LTN1: variants seen among roughly 807,000 people sequenced by gnomAD.
LTN1 encodes E3 ubiquitin-protein ligase listerin.
Under a neutral mutation model 201.2 loss-of-function variants are expected in LTN1, and 88 were observed. The observed-to-expected ratio is 0.44, with a 90% confidence interval of 0.37 to 0.52. The LOEUF (loss-of-function observed/expected upper bound fraction) is 0.52. LTN1 is among the 20% of genes least tolerant of loss of function. The pLI is 0.00. For missense variants in LTN1, 1,752 were observed against 2,038.7 expected (o/e 0.86, Z 2.71); for synonymous variants, 645 against 713.5 (o/e 0.90, Z 1.53).
chr21:28,951,077 C>G (rs2146277892), intron 18 of LTN1, among the ~76,000 whole-genome samples: 1 of 151,366 alleles, frequency 6.6e-6, no homozygotes, highest in South Asian at 2.1e-4. Flanking sequence ...AGTCAACTGA[C>G]TGTATCAATG....
At chr21:28,961,611 T>C (rs1022734727) in intron 11 of LTN1, 1 of 154,448 alleles carries the variant, frequency 6.5e-6, no homozygotes, top group Non-Finnish European at 1.5e-5. Flanking sequence ...AAATTGTAGG[T>C]AACCAGAGCT....
chr21:28,931,462 T>G, intron 28 of LTN1, 140 bp from the exon 29 acceptor site: 1 of 562,458 alleles, frequency 1.8e-6, no homozygotes, highest in Non-Finnish European at 3.1e-6. Flanking sequence ...TCCCAACTTA[T>G]GAATGTTGGT....
At chr21:28,989,999 T>C (rs2084732757) in intron 1 of LTN1, among the ~76,000 whole-genome samples, 1 of 152,016 alleles carries the variant, frequency 6.6e-6, no homozygotes, top group African/African-American at 2.4e-5. Context: ...AAAAGTTATC[T>C]ATGTGATGGC....
Position 28,975,339 on chromosome 21 carries a change from C to A in LTN1, c.811-3895G>T, listed in dbSNP as rs925554702. Reference sequence around the variant, plus strand: ...ATAAAAAATAAGCAAAAGATTACAACAGACACCTCCAAAAAGAAGATATAC... The same window carrying A: ...ATAAAAAATAAGCAAAAGATTACAAAAGACACCTCCAAAAAGAAGATATAC... On this transcript the variant is annotated intron_variant, in intron 6 of 29. Coordinates refer to ENST00000361371, the MANE Select transcript of LTN1 (RefSeq NM_015565.3). 2.0e-5 allele frequency among the ~76,000 whole-genome samples: 3 copies of A among 152,188 alleles called. No individual in the cohort carries two copies. In the East Asian group the frequency reaches 5.8e-4, roughly 29 times the overall value.
chr21:28,933,677 C>CTCTCT (rs1309871371), intron 27 of LTN1, among the ~76,000 whole-genome samples: 1 of 135,722 alleles, frequency 7.4e-6, no homozygotes, highest in African/African-American at 2.7e-5. Flanking sequence ...CTCTCTCTCT[C>CTCTCT]TTTTTTTTTT....
At chr21:28,963,009 G>A (rs955697404) in intron 11 of LTN1, among the ~76,000 whole-genome samples, 1 of 152,216 alleles carries the variant, frequency 6.6e-6, no homozygotes, top group Non-Finnish European at 1.5e-5. Flanking sequence ...AGGTGAGGAA[G>A]CTGCACAAGA....
chr21:28,970,073 A>C (rs1240164840), intron 8 of LTN1, among the ~76,000 whole-genome samples: 1 of 152,212 alleles, frequency 6.6e-6, no homozygotes, highest in African/African-American at 2.4e-5. Flanking sequence ...AAAAATCTGT[A>C]ATCATTAATA....
At chr21:28,936,478 G>C in intron 26 of LTN1, 48 bp downstream of exon 26, 1 of 1,465,310 alleles carries the variant, frequency 6.8e-7, no homozygotes, top group Non-Finnish European at 9.2e-7. Context: ...ATTCAACCTA[G>C]TCTGAATCTA....
intron 1 of LTN1, among the ~76,000 whole-genome samples, chr21:28,988,825 C>T (rs577439649): frequency 6.6e-6 from 1 of 152,064 alleles, no homozygotes; most frequent in South Asian, 2.1e-4. Flanking sequence ...ATTAGCCAGG[C>T]ATGGTGGCAC....
rs770390882 is a variant in LTN1 at position 28,945,805 on chromosome 21, A to G, written c.3768+2T>C. ...AGGTGATGACATATCGGGTTAATTT[A>G]CCTCCAACCAAGCCAACATGGAGCA... On this transcript the variant is annotated splice_donor_variant, in intron 21 of 29. Transcript: ENST00000361371. LOFTEE classifies it high-confidence loss of function. 2.5e-6 allele frequency: 4 copies of G among 1,612,072 alleles called. No individual in the cohort carries two copies. The highest frequency in any genetic ancestry group is 3.4e-6 in the Non-Finnish European group (4 of 1,178,976).
rs1012170539 is a variant in LTN1 at position 28,986,262 on chromosome 21, T to C, written c.247-25A>G. The C allele has an allele frequency of 7.5e-7, 1 of 1,334,818 alleles. No individual in the cohort carries two copies. The highest frequency in any genetic ancestry group is 1.1e-6 in the Non-Finnish European group (1 of 930,080). 82.7% of individuals were successfully genotyped at this position (1,334,818 alleles called of 1,614,324 possible). On this transcript the variant is annotated intron_variant, in intron 2 of 29. Coordinates refer to ENST00000361371, the MANE Select transcript of LTN1 (RefSeq NM_015565.3). The surrounding 1 kb of genome is among the most constrained non-coding windows in gnomAD (Gnocchi z 4.1). ...CCTAAAAGTAAGTTATTAACATCAT[T>C]AGGATTAACAACCATAATAACTGGC...
rs1426805147 is a variant in LTN1, at chr21:28,986,978, G to T, written c.43-44C>A. On this transcript the variant is annotated intron_variant, in intron 1 of 29. Coordinates refer to ENST00000361371, the MANE Select transcript of LTN1 (RefSeq NM_015565.3). This position sits in a 1 kb window ranked among gnomAD's most constrained non-coding sequence, Gnocchi z 4.1. Reference sequence around the variant, plus strand: ...AGAAAAAAGTCAGAGTCCAGGAAGGGTTCAAAACTTAACTTTATAATTCCT... The same window carrying T: ...AGAAAAAAGTCAGAGTCCAGGAAGGTTTCAAAACTTAACTTTATAATTCCT... 1 of 1,327,146 alleles carries T rather than the reference G, an allele frequency of 7.5e-7. No individual in the cohort carries two copies. The highest frequency in any genetic ancestry group is 1.4e-5 in the African/African-American group (1 of 69,492). The allele number at this position is 1,327,146 out of a possible 1,614,324, so 82.2% of individuals were successfully genotyped here.
intron 1 of LTN1, among the ~76,000 whole-genome samples, chr21:28,992,290 G>A (rs1568862713): frequency 6.6e-6 from 1 of 152,120 alleles, no homozygotes; most frequent in South Asian, 2.1e-4. Context: ...GATGGAAAGG[G>A]GTAACAGGCA....
At chr21:28,957,777 A>AT (rs1764512851) in intron 14 of LTN1, among the ~76,000 whole-genome samples, 1 of 152,186 alleles carries the variant, frequency 6.6e-6, no homozygotes. Flanking sequence ...ATGCAGCACT[A>AT]TTTTACCTAA....
At chr21:28,979,599 C>T (rs185781218) in intron 6 of LTN1, among the ~76,000 whole-genome samples, 2 of 152,252 alleles carry the variant, frequency 1.3e-5, no homozygotes, top group East Asian at 3.9e-4. Flanking sequence ...TTCAAAAATA[C>T]AGTCAATCCT....
intron 18 of LTN1, among the ~76,000 whole-genome samples, chr21:28,948,181 A>G (rs76085787): frequency 1 from 105,216 of 105,220 alleles, 52,606 homozygotes; most frequent in Middle Eastern, 1. Flanking sequence ...GATAAAGCAA[A>G]ACTCTGTTTC....
Position 28,986,019 on chromosome 21 carries a change from C to G in LTN1, c.345+120G>C, listed in dbSNP as rs1359925038. 1.6e-6 allele frequency: 1 copy of G among 637,396 alleles called. No individual in the cohort carries two copies. Among genetic ancestry groups the G allele is most frequent in the East Asian group, 2.8e-5 (1 of 35,818 alleles). 39.5% of individuals were successfully genotyped at this position (637,396 alleles called of 1,614,324 possible). On this transcript the variant is annotated intron_variant, in intron 3 of 29. Coordinates refer to ENST00000361371, the MANE Select transcript of LTN1 (RefSeq NM_015565.3). This position sits in a 1 kb window ranked among gnomAD's most constrained non-coding sequence, Gnocchi z 4.1. ...AGTGTTAACAATTCAATCTGCATAA[C>G]AATGCTGACATAACATTTAATAACC...
chr21:28,930,882 T>G lies in LTN1; in HGVS notation c.5238+273A>C, dbSNP rs375169377. On this transcript the variant is annotated intron_variant, in intron 29 of 29. Transcript: ENST00000361371. ...TCATGGTCTAGATCTCAGAAGACCT[T>G]CTACTTCTTGAGTGGTAAAAGGTCA... 2.6e-4 allele frequency among the ~76,000 whole-genome samples: 40 copies of G among 152,340 alleles called. No homozygotes were observed. The South Asian group carries it at 3.7e-3, about 14-fold the overall frequency.
At chr21:28,943,394 C>T in intron 23 of LTN1, 58 bp from the exon 24 acceptor site, 1 of 1,074,766 alleles carries the variant, frequency 9.3e-7, no homozygotes, top group Non-Finnish European at 1.4e-6. Context: ...TTAAGTCGTG[C>T]TCAAGAGCAG....
Sources: gnomAD v4.1 joint callset for allele counts (sites outside exome capture counted in the v4.1 genomes callset) on GRCh38, gnomAD v4.1.1 for gene constraint, Gnocchi (gnomAD v3.1) non-coding constraint, MANE v1.5 for transcripts, NCBI Gene and HGNC (gene_info 2026-07-23, HGNC 2026-07-21) for gene names.